Variants in FREM3 observed in about 807,000 individuals in gnomAD.
FREM3 encodes FRAS1-related extracellular matrix protein 3.
FREM3 carries 105 observed loss-of-function variants against 129.1 expected under a neutral mutation model. The observed-to-expected ratio is 0.81, with a 90% confidence interval of 0.69 to 0.96. The LOEUF is 0.96. Ranked by LOEUF, FREM3 falls within the 40% of genes least tolerant of loss-of-function variation. The probability of loss-of-function intolerance (pLI) is 0.00; values close to 1 mark genes in which losing one functional copy is unlikely to be tolerated. For missense variants in FREM3, 2,593 were observed against 2,666.3 expected (o/e 0.97, Z 0.61); for synonymous variants, 1,014 against 1,044.9 (o/e 0.97, Z 0.57).
At chr4:143,618,637 T>C (rs1201544147) in intron 5 of FREM3, among the ~76,000 whole-genome samples, 1 of 152,128 alleles carries the variant, frequency 6.6e-6, no homozygotes, top group African/African-American at 2.4e-5. Context: ...CACACACCTG[T>C]AGTCCCAGCA....
At chr4:143,605,697 T>G (rs1269488676) in intron 6 of FREM3, among the ~76,000 whole-genome samples, 1 of 152,168 alleles carries the variant, frequency 6.6e-6, no homozygotes, top group African/African-American at 2.4e-5. Context: ...TCTTCCTCCC[T>G]CTGACTTTCA....
intron 4 of FREM3, among the ~76,000 whole-genome samples, chr4:143,622,291 G>A (rs191856400): frequency 2.6e-5 from 4 of 151,432 alleles, no homozygotes; most frequent in East Asian, 3.9e-4. Context: ...ATGGGGTTTC[G>A]CCACATTGGC....
rs1245132311 is a variant in FREM3, at chr4:143,677,700, A to T, written c.5275+15413T>A. ...AAGAATTCAAACAAATTGACAAGAA[A>T]ACAACAACCCCATCAAAAAGTGGGT... On this transcript the variant is annotated intron_variant, in intron 2 of 7. Coordinates refer to ENST00000329798, the MANE Select transcript of FREM3 (RefSeq NM_001168235.2). Among the ~76,000 whole-genome samples, 8 of 152,318 alleles carry T rather than the reference A, an allele frequency of 5.3e-5. No individual in the cohort carries two copies. In the East Asian group the frequency reaches 9.7e-4, roughly 18 times the overall value.
intron 7 of FREM3, among the ~76,000 whole-genome samples, chr4:143,584,387 G>C (rs1375473363): frequency 6.9e-6 from 1 of 144,488 alleles, no homozygotes; most frequent in East Asian, 2.0e-4. Context: ...CCGCAGTCCG[G>C]CCTGGGCGAC....
At chr4:143,680,284 ATATC>A (rs962134110) in intron 2 of FREM3, among the ~76,000 whole-genome samples, 1 of 151,500 alleles carries the variant, frequency 6.6e-6, no homozygotes, top group Non-Finnish European at 1.5e-5. Flanking sequence ...ATATATATGC[ATATC>A]TATCTATATA....
intron 2 of FREM3, among the ~76,000 whole-genome samples, chr4:143,659,263 C>A (rs377285608): frequency 1.3e-5 from 2 of 151,424 alleles, no homozygotes; most frequent in East Asian, 3.9e-4. Context: ...CAACAACAGT[C>A]CCCAGAGTGT....
At chr4:143,608,161 C>T (rs548537585) in intron 6 of FREM3, among the ~76,000 whole-genome samples, 2 of 152,260 alleles carry the variant, frequency 1.3e-5, no homozygotes, top group African/African-American at 4.8e-5. Flanking sequence ...GTCCGTTTTG[C>T]CATGTAAAGT....
chr4:143,645,592 T>C (rs1221773530), intron 2 of FREM3, among the ~76,000 whole-genome samples: 2 of 152,198 alleles, frequency 1.3e-5, no homozygotes, highest in African/African-American at 4.8e-5. Flanking sequence ...AACCCTGCCT[T>C]ACTTTCCTGC....
intron 6 of FREM3, among the ~76,000 whole-genome samples, chr4:143,600,315 G>GACTC (rs1243481732): frequency 6.6e-6 from 1 of 152,122 alleles, no homozygotes; most frequent in African/African-American, 2.4e-5. Flanking sequence ...GGACTTTGGG[G>GACTC]ACTCAGGAAA....
chr4:143,675,234 ACT>A (rs1243247894), intron 2 of FREM3, among the ~76,000 whole-genome samples: 1 of 152,132 alleles, frequency 6.6e-6, no homozygotes, highest in Non-Finnish European at 1.5e-5. Flanking sequence ...GGATTAAGAA[ACT>A]CACTCAAAAC....
chr4:143,659,010 G>C (rs1165606447), intron 2 of FREM3, among the ~76,000 whole-genome samples: 1 of 148,506 alleles, frequency 6.7e-6, no homozygotes, highest in East Asian at 2.0e-4. Flanking sequence ...ACTCATTCAG[G>C]TCTCAGATTA....
At chr4:143,663,453 G>A (rs1025960067) in intron 2 of FREM3, among the ~76,000 whole-genome samples, 10 of 152,052 alleles carry the variant, frequency 6.6e-5, no homozygotes, top group Middle Eastern at 3.2e-3. Flanking sequence ...CGAGAGATCT[G>A]CTGTTAGTCG....
At chr4:143,645,111 G>C (rs1197007488) in intron 2 of FREM3, 2 of 152,198 alleles carry the variant, frequency 1.3e-5, no homozygotes, top group African/African-American at 4.8e-5. Context: ...CAGCAGGACT[G>C]TGGCCCACCT....
intron 2 of FREM3, among the ~76,000 whole-genome samples, chr4:143,673,564 G>T (rs553716112): frequency 6.6e-6 from 1 of 152,328 alleles, no homozygotes; most frequent in South Asian, 2.1e-4. Context: ...GAGGCAGTCT[G>T]TCCGTTCTCA....
At chr4:143,615,228 G>A (rs1738823371) in intron 5 of FREM3, among the ~76,000 whole-genome samples, 1 of 152,134 alleles carries the variant, frequency 6.6e-6, no homozygotes, top group Admixed American at 6.5e-5. Context: ...TGATATCCAA[G>A]GAGTCAAAGA....
chr4:143,642,506 T>C (rs1281285612), intron 2 of FREM3, among the ~76,000 whole-genome samples: 1 of 152,142 alleles, frequency 6.6e-6, no homozygotes, highest in African/African-American at 2.4e-5. Context: ...CAACTTATTT[T>C]TAGCAAAGGT....
chr4:143,675,786 T>A (rs1218363121), intron 2 of FREM3, among the ~76,000 whole-genome samples: 1 of 151,946 alleles, frequency 6.6e-6, no homozygotes, highest in Non-Finnish European at 1.5e-5. Flanking sequence ...AACTAGAAAA[T>A]CTAGAAGAAA....
intron 2 of FREM3, among the ~76,000 whole-genome samples, chr4:143,654,829 G>GT (rs1162613666): frequency 1.3e-5 from 2 of 151,380 alleles, no homozygotes; most frequent in Non-Finnish European, 2.9e-5. Flanking sequence ...CTCTTAAACT[G>GT]TATTTGCAAA....
At chr4:143,579,384 C>G (rs918298365) in intron 7 of FREM3, among the ~76,000 whole-genome samples, 24 of 152,116 alleles carry the variant, frequency 1.6e-4, no homozygotes, top group Admixed American at 5.2e-4. Context: ...ACCTGGGAAG[C>G]AGATATTTCA....
Sources: allele counts gnomAD v4.1 joint callset (sites outside exome capture counted in the v4.1 genomes callset), GRCh38; gene constraint gnomAD v4.1.1; transcripts MANE v1.5; gene names NCBI Gene and HGNC (gene_info 2026-07-23, HGNC 2026-07-21).